The following DAP3 variants were observed in gnomAD, a reference collection of about 807,000 sequenced individuals.
DAP3 encodes death associated protein 3.
In DAP3, 28 loss-of-function variants were observed where a neutral mutation model predicts 51.9. The ratio of observed to expected loss-of-function variants is 0.54; its 90% CI spans 0.40 to 0.74. The LOEUF (loss-of-function observed/expected upper bound fraction) is 0.74, where lower values mean the gene tolerates loss of function less well. Ranked by LOEUF, DAP3 falls within the 30% of genes least tolerant of loss-of-function variation. DAP3 has a pLI of 0.00. For synonymous variants in DAP3, 170 were observed against 170.3 expected, an observed-to-expected ratio of 1.00 and a Z score of 0.01; for missense variants, 458 against 483.5, an observed-to-expected ratio of 0.95 and a Z score of 0.49.
At chr1:155,720,625 G>GC (rs1657879535) in intron 3 of DAP3, among the ~76,000 whole-genome samples, 1 of 151,296 alleles carries the variant, frequency 6.6e-6, no homozygotes, top group African/African-American at 2.4e-5. Context: ...TTCGGCCTGG[G>GC]CAACAAGAGT....
intron 2 of DAP3, among the ~76,000 whole-genome samples, chr1:155,713,997 C>T (rs1657028333): frequency 6.6e-6 from 1 of 152,150 alleles, no homozygotes; most frequent in Non-Finnish European, 1.5e-5. Context: ...GGCAAATTTT[C>T]ACTGAGGATG....
intron 1 of DAP3, among the ~76,000 whole-genome samples, chr1:155,694,646 G>C (rs1043074904): frequency 8.2e-6 from 1 of 122,158 alleles, no homozygotes; most frequent in Admixed American, 7.1e-5. Context: ...TGGAGATCTT[G>C]GTTCCAAAAT....
At chr1:155,736,422 T>G (rs188084885) in intron 11 of DAP3, among the ~76,000 whole-genome samples, 246 of 152,298 alleles carry the variant, frequency 1.6e-3, no homozygotes, top group African/African-American at 5.6e-3. Flanking sequence ...CATTGCCTTT[T>G]TTTTTGTGTG....
intron 1 of DAP3, among the ~76,000 whole-genome samples, chr1:155,700,733 G>A (rs969019952): frequency 2.1e-5 from 3 of 143,212 alleles, no homozygotes; most frequent in Non-Finnish European, 4.6e-5. Flanking sequence ...CGCCCCGTCC[G>A]GGAGGGAGGT....
intron 11 of DAP3, among the ~76,000 whole-genome samples, chr1:155,732,422 G>C (rs1659341778): frequency 6.6e-6 from 1 of 151,832 alleles, no homozygotes. Flanking sequence ...GTAGAGACGA[G>C]GTTTCACCAT....
chr1:155,689,670 T>C (rs564326608), intron 1 of DAP3: 21 of 323,820 alleles, frequency 6.5e-5, no homozygotes, highest in South Asian at 4.8e-4. Flanking sequence ...TCCCAGCACT[T>C]TGGGAGGCCG....
chr1:155,694,952 A>G (rs1654325832), intron 1 of DAP3, among the ~76,000 whole-genome samples: 1 of 152,220 alleles, frequency 6.6e-6, no homozygotes, highest in South Asian at 2.1e-4. Flanking sequence ...GAGGGGTGGA[A>G]TATTCCCTAT....
intron 3 of DAP3, among the ~76,000 whole-genome samples, chr1:155,720,681 A>C (rs1369085975): frequency 1.3e-5 from 2 of 151,906 alleles, no homozygotes; most frequent in African/African-American, 4.8e-5. Flanking sequence ...ACCAAAAAAA[A>C]CACATAAAGA....
At chr1:155,688,489 C>G (rs993043963), upstream of DAP3, 36 of 1,549,244 alleles carry the variant, frequency 2.3e-5, no homozygotes, top group Non-Finnish European at 2.6e-5. Flanking sequence ...AGCCCGCACG[C>G]GTACGAGTGT....
chr1:155,689,142 C>G lies in DAP3; in HGVS notation c.-40C>G. ...CCGGCCCCAGGCAGCGTGTGTCGGT[C>G]GCCTAGTCTGGAGAACTAGTCCTCG... On this transcript the variant is annotated 5_prime_UTR_variant, in exon 1 of 13. Coordinates refer to ENST00000368336, the MANE Select transcript of DAP3 (RefSeq NM_004632.4). 1 of 893,834 alleles carries G rather than the reference C, an allele frequency of 1.1e-6. No individual in the cohort carries two copies. Among genetic ancestry groups the G allele is most frequent in the Non-Finnish European group, 1.8e-6 (1 of 565,438 alleles). 55.4% of individuals were successfully genotyped at this position (893,834 alleles called of 1,614,324 possible).
At chr1:155,727,944 C>G (rs1395170064) in intron 7 of DAP3, among the ~76,000 whole-genome samples, 2 of 151,984 alleles carry the variant, frequency 1.3e-5, no homozygotes, top group African/African-American at 4.8e-5. Flanking sequence ...AAGTTGTTCC[C>G]ATTTTGTGGG....
chr1:155,712,041 G>C (rs1656778780), intron 2 of DAP3, among the ~76,000 whole-genome samples: 2 of 151,614 alleles, frequency 1.3e-5, no homozygotes, highest in Admixed American at 1.3e-4. Context: ...GGGTGGGTCT[G>C]CGTCTCCCAG....
chr1:155,698,962 A>G (rs1264760372), intron 1 of DAP3, among the ~76,000 whole-genome samples: 2 of 152,016 alleles, frequency 1.3e-5, no homozygotes, highest in African/African-American at 4.8e-5. Context: ...TTCGGGCCTC[A>G]TGTTGGGCAC....
At chr1:155,688,687 C>CA, upstream of DAP3, 1 of 1,529,598 alleles carries the variant, frequency 6.5e-7, no homozygotes, top group Non-Finnish European at 8.7e-7. Flanking sequence ...AAGCCTTCTC[C>CA]ACCTCCTCTT....
intron 11 of DAP3, 31 bp from the exon 12 acceptor site, chr1:155,736,915 A>G (rs774583954): frequency 6.5e-7 from 1 of 1,544,486 alleles, no homozygotes; most frequent in Admixed American, 1.7e-5. Context: ...TTCCTTAACT[A>G]ACATGTTTCC....
At chr1:155,722,091 G>A in intron 4 of DAP3, 1 of 173,044 alleles carries the variant, frequency 5.8e-6, no homozygotes, top group African/African-American at 2.4e-5. Flanking sequence ...GTTTATTTCG[G>A]GAAATTAGAT....
intron 9 of DAP3, among the ~76,000 whole-genome samples, chr1:155,730,101 CACAT>C (rs1659047934): frequency 7.3e-6 from 1 of 136,528 alleles, no homozygotes; most frequent in Non-Finnish European, 1.5e-5. Context: ...TATATATACA[CACAT>C]ATATTCATAT....
upstream of DAP3, chr1:155,688,708 C>G: frequency 6.6e-7 from 1 of 1,522,294 alleles, no homozygotes; most frequent in Middle Eastern, 1.9e-4. Flanking sequence ...CTCTCCTCCC[C>G]CTCCCTCCCC....
At chr1:155,699,465 T>C (rs571592981) in intron 1 of DAP3, among the ~76,000 whole-genome samples, 3 of 152,198 alleles carry the variant, frequency 2.0e-5, no homozygotes, top group African/African-American at 4.8e-5. Context: ...CCACAACTTA[T>C]TGTCCCATAT....
Sources: allele counts gnomAD v4.1 joint callset (sites outside exome capture counted in the v4.1 genomes callset), GRCh38; gene constraint gnomAD v4.1.1; transcripts MANE v1.5; gene names NCBI Gene and HGNC (gene_info 2026-07-23, HGNC 2026-07-21).